PPM1L: variants seen among roughly 807,000 people sequenced by gnomAD.
The protein encoded by PPM1L is protein phosphatase, Mg2+/Mn2+ dependent 1L, also known as protein phosphatase 1L.
Under a neutral mutation model 31.4 loss-of-function variants are expected in PPM1L, and 13 were observed. The observed-to-expected ratio is 0.41, with a 90% CI of 0.27 to 0.66. The LOEUF (loss-of-function observed/expected upper bound fraction) is 0.66. PPM1L is among the 30% of genes least tolerant of loss of function. The pLI is 0.29. For synonymous variants in PPM1L, 184 were observed against 175.4 expected, an observed-to-expected ratio of 1.05 and a Z score of -0.39; for missense variants, 326 against 453.7, an observed-to-expected ratio of 0.72 and a Z score of 2.56.
At chr3:160,888,532 A>C (rs1713015993) in intron 1 of PPM1L, among the ~76,000 whole-genome samples, 1 of 152,208 alleles carries the variant, frequency 6.6e-6, no homozygotes, top group Non-Finnish European at 1.5e-5. Flanking sequence ...TTCATAAAAC[A>C]AGTTCTTAGA....
At chr3:160,916,075 C>T (rs1392905172) in intron 1 of PPM1L, among the ~76,000 whole-genome samples, 1 of 152,110 alleles carries the variant, frequency 6.6e-6, no homozygotes, top group Non-Finnish European at 1.5e-5. Flanking sequence ...TAATTAAACT[C>T]AGGAGCTTCT....
chr3:160,958,048 T>TG (rs1715838070), intron 1 of PPM1L, among the ~76,000 whole-genome samples: 1 of 152,246 alleles, frequency 6.6e-6, no homozygotes, highest in Admixed American at 6.5e-5. Flanking sequence ...TTATAGACGT[T>TG]GAATATTAGA....
intron 1 of PPM1L, among the ~76,000 whole-genome samples, chr3:160,910,175 GTCCCCT>G (rs769534194): frequency 1.4e-3 from 206 of 145,436 alleles, no homozygotes; most frequent in African/African-American, 2.6e-3. Context: ...TTCCCTCCCT[GTCCCCT>G]TCCCCTTCCC....
chr3:160,795,864 C>G (rs1712233058), intron 1 of PPM1L, among the ~76,000 whole-genome samples: 2 of 152,208 alleles, frequency 1.3e-5, no homozygotes, highest in Non-Finnish European at 1.5e-5. Flanking sequence ...AGGGCTCCCC[C>G]AGGTTTTCTC....
chr3:161,046,923 A>G (rs1013201752), intron 2 of PPM1L, among the ~76,000 whole-genome samples: 2 of 152,246 alleles, frequency 1.3e-5, no homozygotes, highest in African/African-American at 4.8e-5. Context: ...TAAATTCGGT[A>G]TTGATGGGAC....
At chr3:160,811,595 C>G (rs1337356710) in intron 1 of PPM1L, among the ~76,000 whole-genome samples, 1 of 152,192 alleles carries the variant, frequency 6.6e-6, no homozygotes, top group African/African-American at 2.4e-5. Flanking sequence ...ATCAGTCTCT[C>G]TATGAGCTTA....
At chr3:160,899,048 T>C (rs890201798) in intron 1 of PPM1L, among the ~76,000 whole-genome samples, 1 of 152,162 alleles carries the variant, frequency 6.6e-6, no homozygotes, top group Non-Finnish European at 1.5e-5. Context: ...TTCCTTTGTC[T>C]AGCTATGTTC....
chr3:161,068,290 A>G (rs138672910), intron 3 of PPM1L, among the ~76,000 whole-genome samples: 1 of 152,334 alleles, frequency 6.6e-6, no homozygotes, highest in Non-Finnish European at 1.5e-5. Flanking sequence ...CAGGAATCAC[A>G]TTCAAGTAGT....
intron 2 of PPM1L, among the ~76,000 whole-genome samples, chr3:161,037,773 C>T (rs1461944764): frequency 6.6e-6 from 1 of 151,774 alleles, no homozygotes; most frequent in African/African-American, 2.4e-5. Flanking sequence ...TGACCACAAG[C>T]TCATGAGAGA....
At chr3:160,864,607 C>T (rs1367342242) in intron 1 of PPM1L, among the ~76,000 whole-genome samples, 1 of 152,202 alleles carries the variant, frequency 6.6e-6, no homozygotes, top group South Asian at 2.1e-4. Flanking sequence ...AAATCTTTAT[C>T]AGTTCTTTCA....
intron 2 of PPM1L, among the ~76,000 whole-genome samples, chr3:160,979,014 A>T (rs1036073165): frequency 2.6e-5 from 4 of 152,046 alleles, no homozygotes; most frequent in African/African-American, 9.6e-5. Context: ...GTGTATTCAC[A>T]TGCATTTATA....
At chr3:160,807,042 G>A (rs1184045720) in intron 1 of PPM1L, among the ~76,000 whole-genome samples, 7 of 152,204 alleles carry the variant, frequency 4.6e-5, no homozygotes. Context: ...TGAAGATGGG[G>A]CCGAGGCATC....
intron 1 of PPM1L, among the ~76,000 whole-genome samples, chr3:160,841,491 TA>T (rs1713878018): frequency 6.6e-6 from 1 of 152,226 alleles, no homozygotes; most frequent in African/African-American, 2.4e-5. Flanking sequence ...CCCAACTGTA[TA>T]TTTTCAGTTT....
chr3:160,972,056 C>A (rs753016699), intron 2 of PPM1L, among the ~76,000 whole-genome samples: 1 of 152,198 alleles, frequency 6.6e-6, no homozygotes, highest in Non-Finnish European at 1.5e-5. Context: ...GAATGAGCCA[C>A]CACTCACAGA....
chr3:160,944,037 C>A (rs1715245049), intron 1 of PPM1L, among the ~76,000 whole-genome samples: 2 of 152,084 alleles, frequency 1.3e-5, no homozygotes, highest in Non-Finnish European at 1.5e-5. Context: ...AACCATAAAT[C>A]TTCACGTGGA....
At chr3:160,799,345 G>C (rs1229680063) in intron 1 of PPM1L, among the ~76,000 whole-genome samples, 2 of 152,086 alleles carry the variant, frequency 1.3e-5, no homozygotes, top group Admixed American at 1.3e-4. Context: ...TTTAAGAATT[G>C]CCACACCTAC....
chr3:160,939,164 A>C (rs1050030145), intron 1 of PPM1L, among the ~76,000 whole-genome samples: 1 of 152,210 alleles, frequency 6.6e-6, no homozygotes, highest in Non-Finnish European at 1.5e-5. Context: ...TAAAATTCTT[A>C]AGTATCCTTA....
At chr3:160,816,492 T>C (rs201587638) in intron 1 of PPM1L, among the ~76,000 whole-genome samples, 9 of 146,576 alleles carry the variant, frequency 6.1e-5, no homozygotes, top group African/African-American at 1.5e-4. Flanking sequence ...TTTTTTTTTT[T>C]AACCCAGCTA....
chr3:161,038,191 G>A (rs1015334018), intron 2 of PPM1L, among the ~76,000 whole-genome samples: 4 of 141,050 alleles, frequency 2.8e-5, no homozygotes, highest in South Asian at 4.4e-4. Context: ...CCGAGATCCC[G>A]CCGCTGCACT....
Sources: gnomAD v4.1 joint callset for allele counts (sites outside exome capture counted in the v4.1 genomes callset) on GRCh38, gnomAD v4.1.1 for gene constraint, MANE v1.5 for transcripts, NCBI Gene and HGNC (gene_info 2026-07-23, HGNC 2026-07-21) for gene names.